The following DYNC2H1 variants were observed in gnomAD, a reference collection of about 807,000 sequenced individuals.
DYNC2H1 encodes dynein cytoplasmic 2 heavy chain 1.
In DYNC2H1, 410 loss-of-function variants were observed where a neutral mutation model predicts 570.0. The ratio of observed to expected loss-of-function variants is 0.72; its 90% CI spans 0.66 to 0.78. The LOEUF (loss-of-function observed/expected upper bound fraction) is 0.78. Among genes scored for constraint, DYNC2H1 ranks in the 30% least tolerant of loss-of-function variants. The pLI is 0.00. For missense variants in DYNC2H1, 4,865 were observed against 5,046.4 expected (o/e 0.96, Z 1.09); for synonymous variants, 1,688 against 1,677.6 (o/e 1.01, Z -0.15).
In DYNC2H1 at chr11:103,187,480, T is replaced by C. The variant is rs776564046; in HGVS notation, c.7034T>C (p.Val2345Ala). 6.2e-7 allele frequency: 1 copy of C among 1,613,418 alleles called. No homozygotes were observed. Among genetic ancestry groups the C allele is most frequent in the South Asian group, 1.1e-5 (1 of 91,080 alleles). The change falls in exon 43 of 89, where the codon GTA becomes GCA. Residue 2345 changes from valine (V) to alanine (A), a missense_variant. This residue lies in a region of DYNC2H1 where 2,401 missense variants were observed against 2,454.6 expected (regional missense o/e 0.98). Transcript: ENST00000375735. ...CMVISTNTGR[V>A]YRPKDCERLV... is the part of the protein sequence containing the mutation. ...GTAATCAGTACTAATACTGGTCGTG[T>C]ATACAGACCAAAAGACTGTGAAAGA...
rs747824334 is a variant in DYNC2H1 at position 103,117,617 on chromosome 11, T to C, written c.767-14T>C. ...ATTTATTTCCCTTAAACTCTTTGCT[T>C]TATGTTTTATTAGGTGGTTCATTTG... On this transcript the variant is annotated splice_polypyrimidine_tract_variant and intron_variant, in intron 5 of 88. Transcript: ENST00000375735. The C allele has an allele frequency of 6.4e-7, 1 of 1,558,768 alleles. No individual in the cohort carries two copies. The highest frequency in any genetic ancestry group is 1.4e-5 in the African/African-American group (1 of 73,198).
intron 39 of DYNC2H1, among the ~76,000 whole-genome samples, 155 bp downstream of exon 39, chr11:103,179,388 G>C (rs533653221): frequency 6.6e-5 from 10 of 151,916 alleles, no homozygotes; most frequent in East Asian, 1.9e-4. Context: ...AATTCAGAGA[G>C]TTCCTGTTTT....
chr11:103,189,845 A>C lies in DYNC2H1; in HGVS notation c.7437+29A>C, dbSNP rs181809304. ...GATATGCATCTAAATTGTAGCTTTCATGTCTATTAGTATCATTTCTAAAGG... is the reference window on the plus strand; with the variant it reads ...GATATGCATCTAAATTGTAGCTTTCCTGTCTATTAGTATCATTTCTAAAGG... On this transcript the variant is annotated intron_variant, in intron 45 of 88. Transcript: ENST00000375735. This position sits in a 1 kb window ranked among gnomAD's most constrained non-coding sequence, Gnocchi z 4.3. 2.7e-5 allele frequency: 43 copies of C among 1,565,858 alleles called. No individual in the cohort carries two copies. The East Asian group carries it at 9.5e-4, about 34-fold the overall frequency.
intron 88 of DYNC2H1, 97 bp from the exon 89 acceptor site, chr11:103,478,998 A>G (rs1945658813): frequency 3.8e-6 from 5 of 1,325,536 alleles, no homozygotes; most frequent in Middle Eastern, 2.4e-4. Flanking sequence ...GAAACATTTC[A>G]TAATATAATA....
chr11:103,403,569 G>T (rs1026912404), intron 84 of DYNC2H1: 1 of 152,034 alleles, frequency 6.6e-6, no homozygotes. Context: ...TAAAACCGTG[G>T]TTAGACCCAC....
At chr11:103,220,902 C>T (rs1863561198) in intron 57 of DYNC2H1, 119 bp downstream of exon 57, 2 of 941,538 alleles carry the variant, frequency 2.1e-6, no homozygotes. Flanking sequence ...CATGGGTGTA[C>T]ATTTTGGCTT....
rs1591247590 is a variant in DYNC2H1 at position 103,109,518 on chromosome 11, C to T, written c.-57C>T. ...CTCCTCTCTTCCCTTCACTTCCCTC[C>T]GGACTGGTTTCTTCTTCCTTCCCCC... On this transcript the variant is annotated 5_prime_UTR_variant, in exon 1 of 89. Coordinates refer to ENST00000375735, the MANE Select transcript of DYNC2H1 (RefSeq NM_001377.3). The T allele has an allele frequency of 3.3e-6, 5 of 1,518,666 alleles. No individual in the cohort carries two copies. Among genetic ancestry groups the T allele is most frequent in the East Asian group, 2.3e-5 (1 of 42,824 alleles). The allele number at this position is 1,518,666 out of a possible 1,614,324, so 94.1% of individuals were successfully genotyped here.
At chr11:103,197,795 T>G in intron 47 of DYNC2H1, 138 bp from the exon 48 acceptor site, 2 of 933,466 alleles carry the variant, frequency 2.1e-6, no homozygotes, top group Middle Eastern at 2.7e-4. Context: ...ATGTACACTT[T>G]AAAGTATTTT....
At position 103,125,148 on chromosome 11, in the gene DYNC2H1, A is replaced by G; in HGVS notation, c.1710A>G (p.Leu570=). The change falls in exon 12 of 89, where the codon TTA becomes TTG. Residue 570 remains leucine, a synonymous_variant. Coordinates refer to ENST00000375735, the MANE Select transcript of DYNC2H1 (RefSeq NM_001377.3). ...TGGAATTGGATTCTAATGATGGATT[A>G]CTAAAAGTGCATTATTCAGATCGTT... ...RIMELDSNDG[L]LKVHYSDRLV... is the part of the protein sequence containing the mutation. The G allele has an allele frequency of 6.2e-7, 1 of 1,613,658 alleles. No individual in the cohort carries two copies. Among genetic ancestry groups the G allele is most frequent in the Non-Finnish European group, 8.5e-7 (1 of 1,179,750 alleles).
At position 103,311,951 on chromosome 11, in the gene DYNC2H1, A is replaced by G. The variant is rs1304181479; in HGVS notation, c.11567A>G (p.Asp3856Gly). The G allele has an allele frequency of 1.2e-6, 2 of 1,613,740 alleles. No homozygotes were observed. The highest frequency in any genetic ancestry group is 1.3e-5 in the African/African-American group (1 of 74,940). Residue 3856 changes from aspartate (D) to glycine (G), a missense_variant, in exon 79 of 89, where the codon GAT becomes GGT. Physicochemically the swap from Asp to Gly is moderately conservative, Grantham distance 94 (BLOSUM62 -1). Coordinates refer to ENST00000375735, the MANE Select transcript of DYNC2H1 (RefSeq NM_001377.3). ...ACTCCTGAGCAAATTAGCAAAAAAG[A>G]TAATACACATCGAGCTCATGCTCTC... ...SWTPEQISKK[D>G]NTHRAHALFS...
At chr11:103,191,018 A>G (rs928360936) in intron 45 of DYNC2H1, among the ~76,000 whole-genome samples, 5 of 111,970 alleles carry the variant, frequency 4.5e-5, no homozygotes, top group Non-Finnish European at 9.4e-5. Context: ...GAATATATGT[A>G]TATATATATA....
chr11:103,388,803 A>G (rs1156858542), intron 83 of DYNC2H1, among the ~76,000 whole-genome samples: 2 of 152,210 alleles, frequency 1.3e-5, no homozygotes, highest in Non-Finnish European at 2.9e-5. Flanking sequence ...GCTGGATTAC[A>G]TTTATTGATT....
At position 103,135,863 on chromosome 11, in the gene DYNC2H1, AT is replaced by A; in HGVS notation, c.2490del (p.Asp830GlufsTer8). Reference sequence around the variant, plus strand: ...GAATCTATTTTTTCTATTATGATTGATAGAAATGCAAGTGGATTTTTGACGA... The same window carrying A: ...GAATCTATTTTTTCTATTATGATTGAAGAAATGCAAGTGGATTTTTGACGA... The part of the protein sequence containing the change: ...GDESIFSIMI[D>X]RNASGFLTIF... On this transcript the variant is annotated frameshift_variant, in exon 17 of 89. Transcript: ENST00000375735. LOFTEE classifies it high-confidence loss of function. 6.2e-7 allele frequency: 1 copy of A among 1,613,088 alleles called. No homozygotes were observed. The highest frequency in any genetic ancestry group is 2.2e-5 in the East Asian group (1 of 44,854).
chr11:103,323,811 T>A, intron 81 of DYNC2H1, 75 bp from the exon 82 acceptor site: 1 of 1,099,400 alleles, frequency 9.1e-7, no homozygotes, highest in Non-Finnish European at 1.3e-6. Flanking sequence ...TTTCAAAGTA[T>A]TCTTTCTTAT....
At position 103,177,757 on chromosome 11, in the gene DYNC2H1, A is replaced by ATTGAC; in HGVS notation, c.6076_6077insTTGAC (p.Thr2026IlefsTer11). 1 of 1,613,332 alleles carries ATTGAC rather than the reference A, an allele frequency of 6.2e-7. No individual in the cohort carries two copies. Among genetic ancestry groups the ATTGAC allele is most frequent in the Non-Finnish European group, 8.5e-7 (1 of 1,179,616 alleles). On this transcript the variant is annotated frameshift_variant, in exon 38 of 89. Coordinates refer to ENST00000375735, the MANE Select transcript of DYNC2H1 (RefSeq NM_001377.3). LOFTEE classifies it high-confidence loss of function. This position sits in a 1 kb window ranked among gnomAD's most constrained non-coding sequence, Gnocchi z 4.4. ...ATTATTAGGCCATATTGACATGGAC[A>ATTGAC]CAAGAGAATGGTCTGATGGTGTTTT...
At chr11:103,292,438 A>G (rs945794302) in intron 75 of DYNC2H1, among the ~76,000 whole-genome samples, 2 of 152,168 alleles carry the variant, frequency 1.3e-5, no homozygotes, top group African/African-American at 4.8e-5. Context: ...TTTGGTCTCA[A>G]TTTATATCTT....
At chr11:103,467,063 C>T (rs766969662) in intron 87 of DYNC2H1, among the ~76,000 whole-genome samples, 1 of 151,906 alleles carries the variant, frequency 6.6e-6, no homozygotes, top group East Asian at 1.9e-4. Flanking sequence ...AAAATGGATG[C>T]ACCTTAAAAC....
chr11:103,414,514 G>A lies in DYNC2H1; in HGVS notation c.12366+14642G>A, dbSNP rs187523420. Among the ~76,000 whole-genome samples the A allele has an allele frequency of 4.9e-4, 75 of 152,248 alleles. 1 individual carries two copies. The highest frequency in any genetic ancestry group is 1.8e-3 in the African/African-American group (75 of 41,574). ...CGTGCCTGTAATCCCAGCTACTCGG[G>A]AGGCTGAGGCAGAAGAATTGTTTGA... On this transcript the variant is annotated intron_variant, in intron 84 of 88. Coordinates refer to ENST00000375735, the MANE Select transcript of DYNC2H1 (RefSeq NM_001377.3).
chr11:103,163,025 C>T lies in DYNC2H1; in HGVS notation c.4492-3C>T. 6.2e-7 allele frequency: 1 copy of T among 1,602,796 alleles called. No homozygotes were observed. The highest frequency in any genetic ancestry group is 8.5e-7 in the Non-Finnish European group (1 of 1,174,400). On this transcript the variant is annotated splice_region_variant and splice_polypyrimidine_tract_variant and intron_variant, in intron 29 of 88. Coordinates refer to ENST00000375735, the MANE Select transcript of DYNC2H1 (RefSeq NM_001377.3). The surrounding 1 kb of genome is among the most constrained non-coding windows in gnomAD (Gnocchi z 4.6). The stretch of plus-strand genomic sequence containing the variant: ...TTATATTATTTTCCAATTTCTTTTT[C>T]AGACATGGTTGAATGATTTGGCCTT...
Sources: allele counts gnomAD v4.1 joint callset (sites outside exome capture counted in the v4.1 genomes callset), GRCh38; gene constraint gnomAD v4.1.1; regional missense constraint gnomAD v4.1.1; non-coding constraint Gnocchi (gnomAD v3.1); transcripts MANE v1.5; gene names NCBI Gene and HGNC (gene_info 2026-07-23, HGNC 2026-07-21).